The following TIAM1 variants were observed in gnomAD, a reference collection of about 807,000 sequenced individuals.
The protein encoded by TIAM1 is TIAM Rac1 associated GEF 1, also known as rho guanine nucleotide exchange factor TIAM1.
TIAM1 carries 65 observed loss-of-function variants against 163.5 expected under a neutral mutation model. The observed-to-expected ratio is 0.40, with a 90% CI of 0.33 to 0.49. The LOEUF is 0.49. Ranked by LOEUF, TIAM1 falls within the 20% of genes least tolerant of loss-of-function variation. The pLI is 0.77. For missense variants in TIAM1, 1,789 were observed against 2,044.7 expected (o/e 0.87, Z 2.41); for synonymous variants, 833 against 810.1 (o/e 1.03, Z -0.48).
intron 22 of TIAM1, among the ~76,000 whole-genome samples, chr21:31,137,570 AT>A (rs2082671755): frequency 6.6e-6 from 1 of 151,924 alleles, no homozygotes; most frequent in Admixed American, 6.6e-5. Context: ...TTTAAAAGTG[AT>A]TAAAGGCCAA....
At chr21:31,397,936 G>T (rs1382961236) in intron 2 of TIAM1, among the ~76,000 whole-genome samples, 1 of 152,038 alleles carries the variant, frequency 6.6e-6, no homozygotes, top group Admixed American at 6.6e-5. Context: ...ATGAACCATG[G>T]AATACCTGAT....
At position 31,485,516 on chromosome 21, in the gene TIAM1, C is replaced by T. The variant is rs1034654662; in HGVS notation, c.-421-21481G>A. ...GAGAGGAGGCAGAGAGAAAGCAAAA[C>T]GCTAACTCTGGGATAACAGATCAAA... is the stretch of plus-strand genomic sequence containing the variant. On this transcript the variant is annotated intron_variant, in intron 1 of 28. Transcript: ENST00000286827. Among the ~76,000 whole-genome samples, 8 of 152,084 alleles carry T rather than the reference C, an allele frequency of 5.3e-5. No individual in the cohort carries two copies. In the South Asian group the frequency reaches 8.3e-4, roughly 16 times the overall value.
At chr21:31,492,978 T>G (rs565941146) in intron 1 of TIAM1, among the ~76,000 whole-genome samples, 1 of 114,326 alleles carries the variant, frequency 8.7e-6, no homozygotes, top group African/African-American at 3.9e-5. Context: ...TTAATAGTTA[T>G]GTATTTTTTT....
chr21:31,164,478 A>G (rs2084110524), intron 16 of TIAM1, among the ~76,000 whole-genome samples: 1 of 152,114 alleles, frequency 6.6e-6, no homozygotes, highest in Admixed American at 6.6e-5. Flanking sequence ...CAACTAAGGG[A>G]AAGTGTATTT....
At chr21:31,479,393 A>C (rs1248958201) in intron 1 of TIAM1, among the ~76,000 whole-genome samples, 1 of 151,260 alleles carries the variant, frequency 6.6e-6, no homozygotes, top group Admixed American at 6.6e-5. Context: ...GGATGGATGG[A>C]TGGATGGACG....
intron 1 of TIAM1, among the ~76,000 whole-genome samples, chr21:31,538,977 G>C (rs1288364323): frequency 6.6e-6 from 1 of 152,104 alleles, no homozygotes; most frequent in Non-Finnish European, 1.5e-5. Context: ...AACAGTAAAG[G>C]GGCCCCATAA....
chr21:31,274,433 A>G (rs550739000), intron 3 of TIAM1, among the ~76,000 whole-genome samples: 1 of 152,342 alleles, frequency 6.6e-6, no homozygotes, highest in Admixed American at 6.5e-5. Context: ...GGAAAACAGG[A>G]AAGAAAAAGA....
chr21:31,287,020 G>A (rs921298173), intron 2 of TIAM1, among the ~76,000 whole-genome samples: 8 of 152,070 alleles, frequency 5.3e-5, no homozygotes, highest in African/African-American at 1.9e-4. Context: ...AAGACTACAA[G>A]CTCTAACATG....
chr21:31,136,178 T>C, intron 22 of TIAM1, 137 bp from the exon 23 acceptor site: 2 of 707,438 alleles, frequency 2.8e-6, no homozygotes, highest in Admixed American at 2.7e-5. Flanking sequence ...TGCTTAAATA[T>C]GTGAGATAAT....
chr21:31,370,493 C>T (rs765991966), intron 2 of TIAM1, among the ~76,000 whole-genome samples: 20 of 152,014 alleles, frequency 1.3e-4, no homozygotes, highest in East Asian at 3.9e-4. Context: ...TGTGTGCACG[C>T]GCATGTGTGT....
At chr21:31,362,967 G>C (rs930890476) in intron 2 of TIAM1, among the ~76,000 whole-genome samples, 3 of 151,896 alleles carry the variant, frequency 2.0e-5, no homozygotes, top group South Asian at 4.2e-4. Context: ...CCCTTTATTT[G>C]TAATGTTTTC....
intron 15 of TIAM1, among the ~76,000 whole-genome samples, chr21:31,170,033 A>G (rs780840770): frequency 6.6e-6 from 1 of 152,196 alleles, no homozygotes; most frequent in Non-Finnish European, 1.5e-5. Context: ...AAAACAAGAT[A>G]ATAGAAACAA....
intron 16 of TIAM1, among the ~76,000 whole-genome samples, chr21:31,155,780 C>T (rs1308154342): frequency 2.6e-5 from 4 of 152,202 alleles, no homozygotes; most frequent in African/African-American, 7.2e-5. Flanking sequence ...GGATTACAGG[C>T]GTGAGCCACC....
At chr21:31,295,987 C>T (rs537765621) in intron 2 of TIAM1, among the ~76,000 whole-genome samples, 25 of 152,168 alleles carry the variant, frequency 1.6e-4, no homozygotes, top group South Asian at 8.3e-4. Flanking sequence ...TTACTAGAGA[C>T]GGGTTTTCGC....
At chr21:31,498,247 C>G (rs1186427130) in intron 1 of TIAM1, among the ~76,000 whole-genome samples, 1 of 152,228 alleles carries the variant, frequency 6.6e-6, no homozygotes, top group Non-Finnish European at 1.5e-5. Context: ...ATTATTCCAG[C>G]AGCAAGCAAT....
Position 31,182,446 on chromosome 21 carries a change from G to T in TIAM1, c.2862C>A (p.Pro954=). The change falls in exon 15 of 28, where the codon CCC becomes CCA. Residue 954 remains proline (P), a synonymous_variant. Coordinates refer to ENST00000541036, the MANE Select transcript of TIAM1 (RefSeq NM_001353694.2). ...VDGPADLGES[P]LAFLTSNPGH... is the part of the protein sequence containing the mutation. ...CTGGGTTGCTGGTGAGAAAGGCGAGGGGGCTCTCGCCAAGGTCGGCAGGGC... is the reference window on the plus strand; with the variant it reads ...CTGGGTTGCTGGTGAGAAAGGCGAGTGGGCTCTCGCCAAGGTCGGCAGGGC... The T allele has an allele frequency of 6.3e-7, 1 of 1,592,600 alleles. No individual in the cohort carries two copies. The highest frequency in any genetic ancestry group is 8.5e-7 in the Non-Finnish European group (1 of 1,170,044).
chr21:31,272,935 A>G (rs2073127836), intron 3 of TIAM1, among the ~76,000 whole-genome samples: 1 of 152,192 alleles, frequency 6.6e-6, no homozygotes, highest in Non-Finnish European at 1.5e-5. Flanking sequence ...TATAGGATAA[A>G]GCTTCTGTCT....
chr21:31,524,767 C>G (rs1033532072), intron 1 of TIAM1, among the ~76,000 whole-genome samples: 2 of 152,170 alleles, frequency 1.3e-5, no homozygotes, highest in Admixed American at 6.5e-5. Flanking sequence ...CAAAAACTTA[C>G]ATAGCATTTA....
chr21:31,330,575 A>G (rs1033522306), intron 2 of TIAM1, among the ~76,000 whole-genome samples: 5 of 152,142 alleles, frequency 3.3e-5, no homozygotes, highest in African/African-American at 1.2e-4. Context: ...AGTAGCTGGG[A>G]TTACAGGCAT....
Sources: gnomAD v4.1 joint callset for allele counts (sites outside exome capture counted in the v4.1 genomes callset) on GRCh38, gnomAD v4.1.1 for gene constraint, MANE v1.5 for transcripts, NCBI Gene and HGNC (gene_info 2026-07-23, HGNC 2026-07-21) for gene names.